Variants in MRPL1 observed in about 807,000 individuals in gnomAD.
The protein encoded by MRPL1 is mitochondrial ribosomal protein L1, also known as large ribosomal subunit protein uL1m.
MRPL1 carries 28 observed loss-of-function variants against 38.0 expected under a neutral mutation model. The observed-to-expected ratio is 0.74, with a 90% CI of 0.55 to 1.01. The LOEUF is 1.01. Among genes scored for constraint, MRPL1 ranks in the 50% least tolerant of loss-of-function variants. MRPL1 has a pLI of 0.00. For synonymous variants in MRPL1, 123 were observed against 126.7 expected, an observed-to-expected ratio of 0.97 and a Z score of 0.20; for missense variants, 358 against 389.8, an observed-to-expected ratio of 0.92 and a Z score of 0.69.
At chr4:77,924,866 AT>A (rs1213353078) in intron 7 of MRPL1, among the ~76,000 whole-genome samples, 17 of 152,226 alleles carry the variant, frequency 1.1e-4, no homozygotes, top group Non-Finnish European at 2.2e-4. Flanking sequence ...TGGTAGTTAT[AT>A]ACCTAAGAAA....
intron 6 of MRPL1, among the ~76,000 whole-genome samples, chr4:77,896,397 C>T (rs1390706963): frequency 6.6e-6 from 1 of 152,094 alleles, no homozygotes; most frequent in African/African-American, 2.4e-5. Context: ...AGAGATGGAC[C>T]TTTTCCCTTC....
At chr4:77,933,652 A>G (rs1736897300) in intron 7 of MRPL1, among the ~76,000 whole-genome samples, 1 of 152,192 alleles carries the variant, frequency 6.6e-6, no homozygotes, top group Admixed American at 6.5e-5. Flanking sequence ...GTAACAAAAG[A>G]TCTAACTTTC....
intron 7 of MRPL1, among the ~76,000 whole-genome samples, chr4:77,925,477 G>C (rs1218199443): frequency 2.0e-5 from 3 of 151,452 alleles, no homozygotes. Flanking sequence ...TCAGCCTCCT[G>C]AGTACAGGTG....
chr4:77,918,375 G>A (rs538948862), intron 7 of MRPL1, among the ~76,000 whole-genome samples: 1 of 152,274 alleles, frequency 6.6e-6, no homozygotes, highest in Non-Finnish European at 1.5e-5. Context: ...GGATTATCCA[G>A]GGATCAAGGT....
At chr4:77,886,793 T>TTC (rs1553904881) in intron 4 of MRPL1, among the ~76,000 whole-genome samples, 3 of 136,824 alleles carry the variant, frequency 2.2e-5, no homozygotes, top group South Asian at 2.5e-4. Flanking sequence ...CATTTTCTTT[T>TTC]TTTTTTTTTT....
chr4:77,931,011 A>G (rs907822859), intron 7 of MRPL1, among the ~76,000 whole-genome samples: 1 of 152,216 alleles, frequency 6.6e-6, no homozygotes, highest in Non-Finnish European at 1.5e-5. Flanking sequence ...AAGAAATACC[A>G]AGAGCAAGAT....
At position 77,937,656 on chromosome 4, in the gene MRPL1, C is replaced by CTA. The variant is rs1346216593; in HGVS notation, c.778-12141_778-12140insTA. The stretch of plus-strand genomic sequence containing the variant: ...TTTCCTCCTCACTTGGCTTCTGCTG[C>CTA]CTCTTGGGTTGGGTGTTGATTATGG... On this transcript the variant is annotated intron_variant, in intron 7 of 8. Transcript: ENST00000315567. Among the ~76,000 whole-genome samples, 484 of 152,252 alleles carry CTA rather than the reference C, an allele frequency of 3.2e-3. 4 individuals are homozygous for CTA. Among genetic ancestry groups the CTA allele is most frequent in the Non-Finnish European group, 4.8e-3 (329 of 68,018 alleles).
At chr4:77,896,432 C>T (rs1005587338) in intron 6 of MRPL1, among the ~76,000 whole-genome samples, 1 of 152,236 alleles carries the variant, frequency 6.6e-6, no homozygotes, top group Middle Eastern at 3.4e-3. Context: ...TTCACCCCAA[C>T]ATGATCTATT....
chr4:77,935,776 CA>C (rs1269161850), intron 7 of MRPL1, among the ~76,000 whole-genome samples: 1 of 151,700 alleles, frequency 6.6e-6, no homozygotes, highest in African/African-American at 2.4e-5. Flanking sequence ...AGTAAAAATA[CA>C]AAAAATTAGC....
intron 7 of MRPL1, among the ~76,000 whole-genome samples, chr4:77,924,970 C>T (rs1736677484): frequency 1.3e-5 from 2 of 152,006 alleles, no homozygotes; most frequent in Admixed American, 1.3e-4. Context: ...TTTTTTATTT[C>T]AAAAAATTTC....
At chr4:77,868,517 C>T (rs192287818) in intron 1 of MRPL1, among the ~76,000 whole-genome samples, 2 of 151,978 alleles carry the variant, frequency 1.3e-5, no homozygotes, top group African/African-American at 2.4e-5. Flanking sequence ...CTGGGATTAC[C>T]GGCATGAGCC....
At chr4:77,901,003 AG>A (rs1463708029) in intron 6 of MRPL1, among the ~76,000 whole-genome samples, 1 of 151,788 alleles carries the variant, frequency 6.6e-6, no homozygotes, top group Non-Finnish European at 1.5e-5. Flanking sequence ...GGGGTAAGGG[AG>A]GGGGAAGGAT....
chr4:77,868,179 C>T (rs1735199121), intron 1 of MRPL1, among the ~76,000 whole-genome samples: 1 of 151,984 alleles, frequency 6.6e-6, no homozygotes, highest in African/African-American at 2.4e-5. Flanking sequence ...TTTCCTGCTT[C>T]AGCCTCCTGA....
Position 77,909,290 on chromosome 4 carries a change from A to G in MRPL1, c.695A>G (p.Lys232Arg), listed in dbSNP as rs1736232456. ...GATTCCATTGGCCGTGACATCCCCA[A>G]AATGCTTGAATTATTTAAAAATGGA... ...SRNSIGRDIP[K>R]MLELFKNGHE... The change falls in exon 7 of 9, where the codon AAA becomes AGA. Residue 232 changes from lysine to arginine, a missense_variant. By Grantham distance (26) the Lys-to-Arg change is conservative (BLOSUM62 2). Transcript: ENST00000315567. 2.5e-6 allele frequency: 4 copies of G among 1,611,244 alleles called. No individual in the cohort carries two copies. Among genetic ancestry groups the G allele is most frequent in the Admixed American group, 3.4e-5 (2 of 59,638 alleles).
chr4:77,914,115 A>G (rs951641557), intron 7 of MRPL1, among the ~76,000 whole-genome samples: 18 of 152,210 alleles, frequency 1.2e-4, no homozygotes, highest in Admixed American at 5.2e-4. Flanking sequence ...AGGATATCCA[A>G]TGGAATACTA....
chr4:77,904,549 G>C (rs1489035948), intron 6 of MRPL1, among the ~76,000 whole-genome samples: 1 of 151,786 alleles, frequency 6.6e-6, no homozygotes, highest in African/African-American at 2.4e-5. Flanking sequence ...GTAAGACTGT[G>C]TCTCAAAAAA....
chr4:77,942,544 C>T (rs1165661230), intron 7 of MRPL1, among the ~76,000 whole-genome samples: 1 of 151,962 alleles, frequency 6.6e-6, no homozygotes, highest in Non-Finnish European at 1.5e-5. Context: ...TTTGGGAGCT[C>T]CAGTGTTAAT....
rs568284793 is a variant in MRPL1, at chr4:77,862,843, C to T, written c.-6C>T. 1.2e-6 allele frequency: 2 copies of T among 1,614,090 alleles called. No individual in the cohort carries two copies. The highest frequency in any genetic ancestry group is 1.1e-5 in the South Asian group (1 of 91,076). On this transcript the variant is annotated 5_prime_UTR_variant, in exon 1 of 9. Transcript: ENST00000315567. ...AATTTCGTGAACGCAATCCGGAGTG[C>T]CCAACATGGCGGCGGCCGTAAGGTG... is the stretch of plus-strand genomic sequence containing the variant.
chr4:77,949,599 A>G (rs1159982792), intron 7 of MRPL1, among the ~76,000 whole-genome samples, 198 bp from the exon 8 acceptor site: 2 of 152,200 alleles, frequency 1.3e-5, no homozygotes, highest in Non-Finnish European at 2.9e-5. Flanking sequence ...AATATGTTCT[A>G]TAAATCTATT....
Sources: allele counts gnomAD v4.1 joint callset (sites outside exome capture counted in the v4.1 genomes callset), GRCh38; gene constraint gnomAD v4.1.1; transcripts MANE v1.5; gene names NCBI Gene and HGNC (gene_info 2026-07-23, HGNC 2026-07-21).